RGS6: variants seen among roughly 807,000 people sequenced by gnomAD.
The protein encoded by RGS6 is regulator of G protein signaling 6.
Under a neutral mutation model 78.5 loss-of-function variants are expected in RGS6, and 30 were observed. The ratio of observed to expected loss-of-function variants is 0.38; its 90% confidence interval spans 0.29 to 0.52. The LOEUF is 0.52. Ranked by LOEUF, RGS6 falls within the 20% of genes least tolerant of loss-of-function variation. RGS6 has a pLI of 0.85. For synonymous variants in RGS6, 206 were observed against 206.0 expected, an observed-to-expected ratio of 1.00 and a Z score of 0.00; for missense variants, 495 against 609.7, an observed-to-expected ratio of 0.81 and a Z score of 1.98.
the RGS6 span, among the ~76,000 whole-genome samples, chr14:72,588,254 A>G: frequency 2.0e-5 from 3 of 152,256 alleles, no homozygotes; most frequent in East Asian, 5.8e-4. Flanking sequence ...CTTGGGAACT[A>G]TCATAAATAT....
chr14:72,169,641 T>C (rs926845280), intron 2 of RGS6, among the ~76,000 whole-genome samples: 2 of 152,194 alleles, frequency 1.3e-5, no homozygotes, highest in African/African-American at 2.4e-5. Context: ...AGAGTGACTG[T>C]TAAAACTTTT....
chr14:71,983,948 C>CAG (rs2094571717), intron 2 of RGS6, among the ~76,000 whole-genome samples: 1 of 152,192 alleles, frequency 6.6e-6, no homozygotes, highest in Admixed American at 6.5e-5. Context: ...GCTGTTGCTT[C>CAG]TGACAAAGCA....
intron 3 of RGS6, among the ~76,000 whole-genome samples, chr14:72,395,543 T>C (rs1213975882): frequency 6.6e-6 from 1 of 152,092 alleles, no homozygotes; most frequent in African/African-American, 2.4e-5. Context: ...AATTATTTTT[T>C]TTATTATACT....
the RGS6 span, chr14:72,612,583 G>GAAAAACAGTGCAGGGAAGGGAGGAA: frequency 1.9e-6 from 1 of 518,208 alleles, no homozygotes. Flanking sequence ...GGGAAGGGAG[G>GAAAAACAGTGCAGGGAAGGGAGGAA]AAACAGTGCA....
At chr14:72,548,843 CTAACAA>C (rs1434984421) in intron 17 of RGS6, among the ~76,000 whole-genome samples, 4 of 152,156 alleles carry the variant, frequency 2.6e-5, no homozygotes, top group Admixed American at 1.3e-4. Context: ...TAAAAATATT[CTAACAA>C]TAACAGAATA....
chr14:72,017,217 A>G (rs2087217062), intron 2 of RGS6, among the ~76,000 whole-genome samples: 1 of 152,098 alleles, frequency 6.6e-6, no homozygotes, highest in Non-Finnish European at 1.5e-5. Flanking sequence ...AAATTTTTTT[A>G]TCCCACATTT....
chr14:72,128,239 T>C (rs4902988), intron 2 of RGS6, among the ~76,000 whole-genome samples: 65,311 of 152,064 alleles, frequency 0.43, 14,863 homozygotes, highest in Non-Finnish European at 0.5. Context: ...ACTATGACAG[T>C]CCAGCTCAAA....
intron 2 of RGS6, among the ~76,000 whole-genome samples, chr14:72,023,517 G>A (rs758339918): frequency 1.3e-5 from 2 of 152,214 alleles, no homozygotes; most frequent in Non-Finnish European, 2.9e-5. Context: ...TGCTCAAAAT[G>A]TCAAGGGGTG....
intron 2 of RGS6, among the ~76,000 whole-genome samples, chr14:72,092,968 G>T (rs575064028): frequency 8.2e-4 from 125 of 151,906 alleles, no homozygotes; most frequent in Non-Finnish European, 1.6e-3. Context: ...TGGGTCTCTG[G>T]ATCCTCCACA....
chr14:72,424,927 C>T (rs1370766156), intron 3 of RGS6, among the ~76,000 whole-genome samples: 1 of 152,184 alleles, frequency 6.6e-6, no homozygotes, highest in Non-Finnish European at 1.5e-5. Flanking sequence ...TGGTTGTCTT[C>T]ATCCTGAGTT....
intron 3 of RGS6, among the ~76,000 whole-genome samples, chr14:72,382,233 C>T (rs1358104802): frequency 2.0e-5 from 3 of 151,972 alleles, no homozygotes; most frequent in Admixed American, 6.6e-5. Flanking sequence ...ATATAAAAGA[C>T]TTCTAAAAAT....
chr14:72,544,403 C>T (rs977109826), intron 17 of RGS6, among the ~76,000 whole-genome samples: 11 of 152,270 alleles, frequency 7.2e-5, no homozygotes, highest in African/African-American at 2.6e-4. Context: ...TGAAACCTTA[C>T]CTGCCCTCTT....
chr14:72,100,066 G>A (rs1436410194), intron 2 of RGS6, among the ~76,000 whole-genome samples: 1 of 152,184 alleles, frequency 6.6e-6, no homozygotes, highest in Admixed American at 6.5e-5. Flanking sequence ...GTTGTGTACA[G>A]GGGAGAGTTG....
intron 3 of RGS6, among the ~76,000 whole-genome samples, chr14:72,373,188 C>T (rs537438857): frequency 1.2e-4 from 18 of 152,246 alleles, no homozygotes; most frequent in Middle Eastern, 3.4e-3. Flanking sequence ...TTAAACTGGA[C>T]TAAATTGCAA....
intron 2 of RGS6, among the ~76,000 whole-genome samples, chr14:71,983,174 A>G (rs1281553877): frequency 6.6e-6 from 1 of 152,198 alleles, no homozygotes; most frequent in African/African-American, 2.4e-5. Flanking sequence ...TGGTTGGGTT[A>G]GTGACACTGG....
chr14:72,392,561 A>C (rs2090257283), intron 3 of RGS6, among the ~76,000 whole-genome samples: 1 of 152,184 alleles, frequency 6.6e-6, no homozygotes, highest in Admixed American at 6.5e-5. Context: ...TGACTTGGCT[A>C]CTGCCCCACC....
At chr14:72,541,663 T>C in intron 17 of RGS6, 1 of 1,526,518 alleles carries the variant, frequency 6.6e-7, no homozygotes, top group Non-Finnish European at 8.8e-7. Flanking sequence ...TTTTGAGGAC[T>C]GGCTACTGTG....
chr14:72,468,456 C>A (rs1005292567), intron 7 of RGS6, among the ~76,000 whole-genome samples: 4 of 151,652 alleles, frequency 2.6e-5, no homozygotes, highest in African/African-American at 9.7e-5. Context: ...ACCAAAAAAG[C>A]ATTTTGCTTC....
the RGS6 span, among the ~76,000 whole-genome samples, chr14:72,573,776 C>A: frequency 6.6e-6 from 1 of 152,112 alleles, no homozygotes; most frequent in African/African-American, 2.4e-5. Flanking sequence ...CTGCAGCAAC[C>A]AATCCTGGGT....
Sources: gnomAD v4.1 joint callset for allele counts (sites outside exome capture counted in the v4.1 genomes callset) on GRCh38, gnomAD v4.1.1 for gene constraint, MANE v1.5 for transcripts, NCBI Gene and HGNC (gene_info 2026-07-23, HGNC 2026-07-21) for gene names.